COL7A1: variants seen among roughly 807,000 people sequenced by gnomAD.
COL7A1 encodes the protein collagen alpha-1(VII) chain.
A neutral mutation model predicts 456.2 loss-of-function variants in COL7A1; 296 were observed. That is an observed-to-expected ratio of 0.65 (90% CI 0.59 to 0.71). The LOEUF (loss-of-function observed/expected upper bound fraction) is 0.71. Among genes scored for constraint, COL7A1 ranks in the 30% least tolerant of loss-of-function variants. The pLI is 0.00. For synonymous variants in COL7A1, 1,464 were observed against 1,525.9 expected (o/e 0.96, Z 0.95); for missense variants, 3,441 against 4,017.2 (o/e 0.86, Z 3.88).
At position 48,581,433 on chromosome 3, in the gene COL7A1, G is replaced by A; in HGVS notation, c.4818+15C>T. 2.5e-6 allele frequency: 4 copies of A among 1,614,012 alleles called. No individual in the cohort carries two copies. Among genetic ancestry groups the A allele is most frequent in the Non-Finnish European group, 2.5e-6 (3 of 1,179,998 alleles). On this transcript the variant is annotated intron_variant, in intron 51 of 118. Transcript: ENST00000681320. The surrounding 1 kb of genome is among the most constrained non-coding windows in gnomAD (Gnocchi z 5.8). Reference sequence around the variant, plus strand: ...CCCAGAAGCCTTGAGGTTGCCCAGGGTAACGGGTACTCACTGGGGGTCCTG... The same window carrying A: ...CCCAGAAGCCTTGAGGTTGCCCAGGATAACGGGTACTCACTGGGGGTCCTG...
rs2044691215 is a variant in COL7A1, at chr3:48,580,709, T to C, written c.4981-57A>G. On this transcript the variant is annotated intron_variant, in intron 54 of 118. Coordinates refer to ENST00000681320, the MANE Select transcript of COL7A1 (RefSeq NM_000094.4). The surrounding 1 kb of genome is among the most constrained non-coding windows in gnomAD (Gnocchi z 4.5). The stretch of plus-strand genomic sequence containing the variant: ...TCCCAATATTTTGCAGGTGCCCCTA[T>C]GACCCGCTACACTGCCCCAGGTTCC... The C allele has an allele frequency of 3.1e-6, 5 of 1,595,930 alleles. No homozygotes were observed. In the African/African-American group the frequency reaches 6.7e-5, roughly 21 times the overall value.
In COL7A1 at chr3:48,566,735, AC is replaced by A; in HGVS notation, c.8228del (p.Gly2743ValfsTer43). ...RGPEGLQGQK[G>X]ERGPPGERVV... is the part of the protein sequence containing the mutation. Reference sequence around the variant, plus strand: ...CTCTCTCTCCGGGGGGACCTCGCTCACCCTGTCAGACACAGGGACCAAGTGA... The same window carrying A: ...CTCTCTCTCCGGGGGGACCTCGCTCACCTGTCAGACACAGGGACCAAGTGA... On this transcript the variant is annotated frameshift_variant and splice_region_variant, in exon 112 of 119. Coordinates refer to ENST00000681320, the MANE Select transcript of COL7A1 (RefSeq NM_000094.4). LOFTEE classifies it high-confidence loss of function. This position sits in a 1 kb window ranked among gnomAD's most constrained non-coding sequence, Gnocchi z 5.9. 2 of 1,613,576 alleles carry A rather than the reference AC, an allele frequency of 1.2e-6. No homozygotes were observed. The highest frequency in any genetic ancestry group is 8.5e-7 in the Non-Finnish European group (1 of 1,179,930).
At position 48,579,717 on chromosome 3, in the gene COL7A1, G is replaced by A; in HGVS notation, c.5155-49C>T. 2 of 1,613,840 alleles carry A rather than the reference G, an allele frequency of 1.2e-6. No homozygotes were observed. The highest frequency in any genetic ancestry group is 1.7e-6 in the Non-Finnish European group (2 of 1,179,948). On this transcript the variant is annotated intron_variant, in intron 58 of 118. Transcript: ENST00000681320. This position sits in a 1 kb window ranked among gnomAD's most constrained non-coding sequence, Gnocchi z 4.4. ...AGGAACAGCCTTGAAGCCAAGCCAT[G>A]CCCAAGGTAGAACCTGCTGGGAGGG... is the stretch of plus-strand genomic sequence containing the variant.
chr3:48,581,103 C>T lies in COL7A1; in HGVS notation c.4935+19G>A, dbSNP rs772474152. 9 of 1,613,874 alleles carry T rather than the reference C, an allele frequency of 5.6e-6. No individual in the cohort carries two copies. The highest frequency in any genetic ancestry group is 7.6e-6 in the Non-Finnish European group (9 of 1,179,936). ...TTCAAGGGTAAAGGATCAGAAACCA[C>T]AGTGGGAAGGAGTCTCACCGGAGGA... On this transcript the variant is annotated intron_variant, in intron 53 of 118. Transcript: ENST00000681320. The surrounding 1 kb of genome is among the most constrained non-coding windows in gnomAD (Gnocchi z 5.8).
rs1560205153 is a variant in COL7A1 at position 48,571,506 on chromosome 3, G to C, written c.7069-228C>G. 7.0e-6 allele frequency: 5 copies of C among 716,590 alleles called. No homozygotes were observed. The highest frequency in any genetic ancestry group is 2.3e-4 in the Middle Eastern group (1 of 4,358). The allele number at this position is 716,590 out of a possible 1,614,324, so 44.4% of individuals were successfully genotyped here. A position where few individuals can be genotyped will look rare whatever the true frequency, so the allele number is the denominator to read the frequency against. ...ACTACCATAGACAGGTGGGAGTTCA[G>C]GCATGGCACAGGCACAGGGAGCCCA... is the stretch of plus-strand genomic sequence containing the variant. On this transcript the variant is annotated intron_variant, in intron 92 of 118. Coordinates refer to ENST00000681320, the MANE Select transcript of COL7A1 (RefSeq NM_000094.4). The surrounding 1 kb of genome is among the most constrained non-coding windows in gnomAD (Gnocchi z 4.6).
chr3:48,579,310 G>A lies in COL7A1; in HGVS notation c.5308-33C>T, dbSNP rs1396511352. 4 of 1,614,094 alleles carry A rather than the reference G, an allele frequency of 2.5e-6. No individual in the cohort carries two copies. The highest frequency in any genetic ancestry group is 3.4e-6 in the Non-Finnish European group (4 of 1,179,956). On this transcript the variant is annotated intron_variant, in intron 61 of 118. Coordinates refer to ENST00000681320, the MANE Select transcript of COL7A1 (RefSeq NM_000094.4). This position sits in a 1 kb window ranked among gnomAD's most constrained non-coding sequence, Gnocchi z 4.4. ...AAATAGAGTGGTAAGAGGCCACCAAGGCTGAGGTGGATCTGATAACCCAGG... is the reference window on the plus strand; with the variant it reads ...AAATAGAGTGGTAAGAGGCCACCAAAGCTGAGGTGGATCTGATAACCCAGG...
Position 48,572,869 on chromosome 3 carries a change from C to G in COL7A1, c.6824G>C (p.Gly2275Ala), listed in dbSNP as rs1401226514. Residue 2275 changes from glycine to alanine, a missense_variant, in exon 87 of 119, where the codon GGT (glycine) becomes GCT (alanine). By Grantham distance (60) the Gly-to-Ala change is moderately conservative. This residue lies in a region of COL7A1 where 2,084 missense variants were observed against 2,501.3 expected (regional missense o/e 0.83). Transcript: ENST00000681320. This position sits in a 1 kb window ranked among gnomAD's most constrained non-coding sequence, Gnocchi z 4.6. ...TGCCCCCAGAACACATACTGGCACA[C>G]CAGGGCTCCCTCTGTCTCCATCTTT... is the stretch of plus-strand genomic sequence containing the variant. The part of the protein sequence containing the change: ...SGKDGDRGSP[G>A]VPGSPGLPGP... The G allele has an allele frequency of 6.2e-7, 1 of 1,614,082 alleles. No individual in the cohort carries two copies. Among genetic ancestry groups the G allele is most frequent in the Admixed American group, 1.7e-5 (1 of 60,032 alleles).
rs764672591 is a variant in COL7A1, at chr3:48,592,689, G to A, written c.857C>T (p.Pro286Leu). ...LPSERQEVNV[P>L]AGETSVRLRG... ...CAGCCGCACACTGGTCTCACCAGCT[G>A]GGACGTTCACCTGCCCAGGGCAAGA... Residue 286 changes from proline to leucine, a missense_variant, in exon 8 of 119, where the codon CCA becomes CTA. Around this residue, in one of 3 missense-constraint regions of COL7A1, gnomAD observed 913 missense variants for 1,088.2 expected, o/e 0.84. Transcript: ENST00000681320. The surrounding 1 kb of genome is among the most constrained non-coding windows in gnomAD (Gnocchi z 7.6). 6.2e-7 allele frequency: 1 copy of A among 1,613,338 alleles called. No individual in the cohort carries two copies. The highest frequency in any genetic ancestry group is 8.5e-7 in the Non-Finnish European group (1 of 1,179,908).
At position 48,571,323 on chromosome 3, in the gene COL7A1, G is replaced by T; in HGVS notation, c.7069-45C>A. On this transcript the variant is annotated intron_variant, in intron 92 of 118. Transcript: ENST00000681320. This position sits in a 1 kb window ranked among gnomAD's most constrained non-coding sequence, Gnocchi z 4.6. ...AGCATTTGAGAGGGTAGGAACATGA[G>T]CACAGAGTTCAGACACGGGCTGAAA... 6.2e-7 allele frequency: 1 copy of T among 1,611,028 alleles called. No individual in the cohort carries two copies. Among genetic ancestry groups the T allele is most frequent in the South Asian group, 1.1e-5 (1 of 90,938 alleles).
Position 48,586,123 on chromosome 3 carries a change from G to A in COL7A1, c.3674C>T (p.Ala1225Val), listed in dbSNP as rs1228667876. Residue 1225 changes from alanine (A) to valine (V), a missense_variant, in exon 28 of 119, where the codon GCA (alanine) becomes GTA (valine). Physicochemically the swap from Ala to Val is moderately conservative, Grantham distance 64. Around this residue, in one of 3 missense-constraint regions of COL7A1, gnomAD observed 2,084 missense variants for 2,501.3 expected, o/e 0.83. Coordinates refer to ENST00000681320, the MANE Select transcript of COL7A1 (RefSeq NM_000094.4). The surrounding 1 kb of genome is among the most constrained non-coding windows in gnomAD (Gnocchi z 5.1). ...AVDDGPSLDQAVSGLATALCQ... is the reference protein window; with the variant it reads ...AVDDGPSLDQVVSGLATALCQ... ...CAGGGCTGTGGCCAGACCACTGACT[G>A]CCTGGTCCAGGCTTGGCCCATCATC... 10 of 1,613,506 alleles carry A rather than the reference G, an allele frequency of 6.2e-6. No homozygotes were observed. Among genetic ancestry groups the A allele is most frequent in the Non-Finnish European group, 6.8e-6 (8 of 1,180,034 alleles).
At chr3:48,576,969 A>G in intron 66 of COL7A1, 23 bp downstream of exon 66, 1 of 1,614,002 alleles carries the variant, frequency 6.2e-7, no homozygotes, top group Non-Finnish European at 8.5e-7. Flanking sequence ...GAGACCAGAG[A>G]GACCCCAGGT....
rs146892299 is a variant in COL7A1 at position 48,565,321 on chromosome 3, C to T, written c.8527+89G>A. On this transcript the variant is annotated intron_variant, in intron 116 of 118. Coordinates refer to ENST00000681320, the MANE Select transcript of COL7A1 (RefSeq NM_000094.4). This position sits in a 1 kb window ranked among gnomAD's most constrained non-coding sequence, Gnocchi z 4.5. ...GCGTGTGCCCTGCATGCAGACCCTA[C>T]GTGCTTGGCGTGTGCCCTGCATTCA... is the stretch of plus-strand genomic sequence containing the variant. 5.8e-4 allele frequency: 879 copies of T among 1,505,162 alleles called. 5 individuals are homozygous for T. In the African/African-American group the frequency reaches 0.01, roughly 18 times the overall value. The allele number at this position is 1,505,162 out of a possible 1,614,324, so 93.2% of individuals were successfully genotyped here.
In COL7A1 at chr3:48,587,293, G is replaced by A; in HGVS notation, c.3036C>T (p.Ser1012=). ...SPQTLPGISS[S]QRVTGLEPGV... ...CAGGCTCTAGCCCTGTCACCCGCTG[G>A]GAGCTTGAGATCCCTGGAAGTGTCT... is the stretch of plus-strand genomic sequence containing the variant. Residue 1012 remains serine, a synonymous_variant, in exon 24 of 119, where the codon TCC becomes TCT. Coordinates refer to ENST00000681320, the MANE Select transcript of COL7A1 (RefSeq NM_000094.4). The surrounding 1 kb of genome is among the most constrained non-coding windows in gnomAD (Gnocchi z 6.1). The A allele has an allele frequency of 6.2e-7, 1 of 1,606,262 alleles. No homozygotes were observed. The highest frequency in any genetic ancestry group is 8.5e-7 in the Non-Finnish European group (1 of 1,176,216).
chr3:48,584,564 G>C lies in COL7A1; in HGVS notation c.4048-8C>G, dbSNP rs747745632. 3 of 1,614,102 alleles carry C rather than the reference G, an allele frequency of 1.9e-6. No individual in the cohort carries two copies. Among genetic ancestry groups the C allele is most frequent in the Non-Finnish European group, 2.5e-6 (3 of 1,179,994 alleles). On this transcript the variant is annotated splice_region_variant and splice_polypyrimidine_tract_variant and intron_variant, in intron 35 of 118. Coordinates refer to ENST00000681320, the MANE Select transcript of COL7A1 (RefSeq NM_000094.4). ...GACTTGTCCGGGAGCCCCCTGTAAG[G>C]ACAGAGAGCAGTGGGCAGGATTCAG... is the stretch of plus-strand genomic sequence containing the variant.
intron 65 of COL7A1, 112 bp from the exon 66 acceptor site, chr3:48,577,139 T>C: frequency 2.1e-6 from 3 of 1,412,582 alleles, no homozygotes; most frequent in Non-Finnish European, 3.0e-6. Flanking sequence ...TGTAGCTCCA[T>C]GGTTGTGTGT....
At position 48,566,911 on chromosome 3, in the gene COL7A1, T is replaced by C. The variant is rs966904647; in HGVS notation, c.8222A>G (p.Gln2741Arg). 3 of 1,602,472 alleles carry C rather than the reference T, an allele frequency of 1.9e-6. No individual in the cohort carries two copies. Among genetic ancestry groups the C allele is most frequent in the Non-Finnish European group, 2.6e-6 (3 of 1,173,066 alleles). ...GPRGPEGLQG[Q>R]KGERGPPGER... ...GTCAGAGCTGGGGCCCCTTACCTTC[T>C]GGCCCTGAAGTCCTTCGGGGCCTCT... The change falls in exon 111 of 119, where the codon CAG (glutamine) becomes CGG (arginine). Residue 2741 changes from glutamine (Q) to arginine (R), a missense_variant. Around this residue, in one of 3 missense-constraint regions of COL7A1, gnomAD observed 2,084 missense variants for 2,501.3 expected, o/e 0.83. Coordinates refer to ENST00000681320, the MANE Select transcript of COL7A1 (RefSeq NM_000094.4). This position sits in a 1 kb window ranked among gnomAD's most constrained non-coding sequence, Gnocchi z 5.9.
Position 48,581,240 on chromosome 3 carries a change from C to T in COL7A1, c.4899+20G>A, listed in dbSNP as rs2044735621. 1.2e-6 allele frequency: 2 copies of T among 1,612,860 alleles called. No homozygotes were observed. The highest frequency in any genetic ancestry group is 1.7e-5 in the Admixed American group (1 of 59,862). ...CCTACTCCCTTACCCGCCATGACTC[C>T]CCCGACTCCAGCCTCTTACATCTCG... On this transcript the variant is annotated intron_variant, in intron 52 of 118. Coordinates refer to ENST00000681320, the MANE Select transcript of COL7A1 (RefSeq NM_000094.4). The surrounding 1 kb of genome is among the most constrained non-coding windows in gnomAD (Gnocchi z 5.8).
In COL7A1 at chr3:48,571,419, A is replaced by C; in HGVS notation, c.7069-141T>G. On this transcript the variant is annotated intron_variant, in intron 92 of 118. Transcript: ENST00000681320. This position sits in a 1 kb window ranked among gnomAD's most constrained non-coding sequence, Gnocchi z 4.6. ...CAGACATGCGACCAAGAATTGGCTCACAGGAGCTCAGACATGACCATGGCC... is the reference window on the plus strand; with the variant it reads ...CAGACATGCGACCAAGAATTGGCTCCCAGGAGCTCAGACATGACCATGGCC... 9 of 1,020,278 alleles carry C rather than the reference A, an allele frequency of 8.8e-6. No homozygotes were observed. Among genetic ancestry groups the C allele is most frequent in the Non-Finnish European group, 1.4e-5 (9 of 661,012 alleles). The allele number at this position is 1,020,278 out of a possible 1,614,324, so 63.2% of individuals were successfully genotyped here.
At position 48,570,012 on chromosome 3, in the gene COL7A1, G is replaced by A. The variant is rs1325663282; in HGVS notation, c.7486-97C>T. ...AGGGAAACAGTGGGGACCAGACAAA[G>A]GGGACAGGGGTAGACGAGGAGGGCC... On this transcript the variant is annotated intron_variant, in intron 99 of 118. Transcript: ENST00000681320. The surrounding 1 kb of genome is among the most constrained non-coding windows in gnomAD (Gnocchi z 5.5). 5 of 1,597,660 alleles carry A rather than the reference G, an allele frequency of 3.1e-6. No homozygotes were observed. In the African/African-American group the frequency reaches 5.4e-5, roughly 17 times the overall value.
Sources: allele counts gnomAD v4.1 joint callset, GRCh38; gene constraint gnomAD v4.1.1; regional missense constraint gnomAD v4.1.1; non-coding constraint Gnocchi (gnomAD v3.1); transcripts MANE v1.5; gene names NCBI Gene and HGNC (gene_info 2026-07-23, HGNC 2026-07-21).